Variants in ESRP1 observed in about 807,000 individuals in gnomAD.
ESRP1 encodes the protein RNA-binding motif protein 35A.
Under a neutral mutation model 81.7 loss-of-function variants are expected in ESRP1, and 33 were observed. The ratio of observed to expected loss-of-function variants is 0.40; its 90% CI spans 0.31 to 0.54. The LOEUF (loss-of-function observed/expected upper bound fraction) is 0.54, where lower values mean the gene tolerates loss of function less well. ESRP1 is among the 20% of genes least tolerant of loss of function. ESRP1 has a pLI of 0.41. For missense variants in ESRP1, 672 were observed against 833.1 expected, an observed-to-expected ratio of 0.81 and a Z score of 2.38; for synonymous variants, 320 against 303.3, an observed-to-expected ratio of 1.06 and a Z score of -0.57.
chr8:94,665,086 G>T, intron 8 of ESRP1, 27 bp downstream of exon 8: 3 of 1,613,696 alleles, frequency 1.9e-6, no homozygotes, highest in East Asian at 2.2e-5. Context: ...TGAACCCCTG[G>T]ACATCGTGAA....
At chr8:94,689,531 A>G (rs1809290170) in intron 13 of ESRP1, among the ~76,000 whole-genome samples, 1 of 151,710 alleles carries the variant, frequency 6.6e-6, no homozygotes, top group Middle Eastern at 3.2e-3. Context: ...TTTTTAGTAA[A>G]TTCTTTTTTA....
At chr8:94,678,015 C>T (rs1323426339) in intron 12 of ESRP1, among the ~76,000 whole-genome samples, 188 bp from the exon 13 acceptor site, 2 of 152,158 alleles carry the variant, frequency 1.3e-5, no homozygotes, top group Non-Finnish European at 2.9e-5. Flanking sequence ...TTTAGGTTGA[C>T]AGGGTGGAAT....
intron 12 of ESRP1, among the ~76,000 whole-genome samples, chr8:94,676,731 C>G (rs1808654151): frequency 6.6e-6 from 1 of 151,798 alleles, no homozygotes; most frequent in Non-Finnish European, 1.5e-5. Context: ...ATCTCCTGCC[C>G]TTGTGATCTG....
intron 13 of ESRP1, among the ~76,000 whole-genome samples, chr8:94,684,835 C>T (rs544490839): frequency 5.3e-5 from 8 of 151,928 alleles, no homozygotes; most frequent in Non-Finnish European, 1.0e-4. Context: ...GTAGGAGGAT[C>T]GCTGGAGCCC....
chr8:94,678,128 CTA>C, intron 12 of ESRP1, 73 bp from the exon 13 acceptor site: 3 of 1,457,902 alleles, frequency 2.1e-6, no homozygotes, highest in East Asian at 4.6e-5. Context: ...GGAACAGTGA[CTA>C]TGTTTTTAGT....
At chr8:94,659,095 G>A (rs767204944) in intron 4 of ESRP1, among the ~76,000 whole-genome samples, 3 of 152,038 alleles carry the variant, frequency 2.0e-5, no homozygotes, top group Admixed American at 6.6e-5. Flanking sequence ...ATCTCAGGCT[G>A]GTCTTGAATT....
At chr8:94,660,170 G>A (rs566593767) in intron 4 of ESRP1, among the ~76,000 whole-genome samples, 12 of 152,116 alleles carry the variant, frequency 7.9e-5, no homozygotes, top group Non-Finnish European at 1.8e-4. Flanking sequence ...ATGCCATCCT[G>A]GACTAACATA....
intron 4 of ESRP1, among the ~76,000 whole-genome samples, chr8:94,649,902 A>G (rs180858631): frequency 6.6e-6 from 1 of 152,310 alleles, no homozygotes; most frequent in Non-Finnish European, 1.5e-5. Flanking sequence ...ACACACATAC[A>G]TACACACTCT....
Position 94,664,615 on chromosome 8 carries a change from T to A in ESRP1, c.645-82T>A, listed in dbSNP as rs573739794. On this transcript the variant is annotated intron_variant, in intron 6 of 15. Coordinates refer to ENST00000433389, the MANE Select transcript of ESRP1 (RefSeq NM_017697.4). ...CACCAAATAATACATCCTGTGTAAC[T>A]AGGCAGTTGTCTTGCAGGGGGTAAT... The A allele has an allele frequency of 3.3e-5, 31 of 926,738 alleles. No homozygotes were observed. In the African/African-American group the frequency reaches 5.0e-4, roughly 15 times the overall value. The allele number at this position is 926,738 out of a possible 1,614,324, so 57.4% of individuals were successfully genotyped here. A position where few individuals can be genotyped will look rare whatever the true frequency, so the allele number is the denominator to read the frequency against.
chr8:94,701,896 TG>T (rs1809855020), intron 15 of ESRP1, among the ~76,000 whole-genome samples: 1 of 152,182 alleles, frequency 6.6e-6, no homozygotes, highest in South Asian at 2.1e-4. Flanking sequence ...CTGGGCAATG[TG>T]GTGAGACCTC....
At chr8:94,668,315 G>T in intron 10 of ESRP1, 65 bp downstream of exon 10, 1 of 1,382,208 alleles carries the variant, frequency 7.2e-7, no homozygotes, top group Non-Finnish European at 9.7e-7. Flanking sequence ...TCTGAAAATA[G>T]TCCTACATTG....
intron 15 of ESRP1, among the ~76,000 whole-genome samples, chr8:94,701,283 AAAAAAAG>A (rs1241170380): frequency 6.6e-5 from 10 of 151,100 alleles, no homozygotes; most frequent in African/African-American, 2.5e-4. Context: ...TCAAAAAAAA[AAAAAAAG>A]AATTGAGCGA....
rs543455128 is a variant in ESRP1 at position 94,667,968 on chromosome 8, C to T, written c.951C>T (p.Ala317=). Residue 317 remains alanine, a synonymous_variant, in exon 10 of 16, where the codon GCC becomes GCT. Coordinates refer to ENST00000433389, the MANE Select transcript of ESRP1 (RefSeq NM_017697.4). ...KIAGGTSNEV[A]QFLSKENQVI... ...CCCTAGGTACTTCCAATGAGGTAGCCCAGTTTCTCTCCAAGGAAAATCAAG... is the reference window on the plus strand; with the variant it reads ...CCCTAGGTACTTCCAATGAGGTAGCTCAGTTTCTCTCCAAGGAAAATCAAG... 1 of 1,601,326 alleles carries T rather than the reference C, an allele frequency of 6.2e-7. No homozygotes were observed. The highest frequency in any genetic ancestry group is 8.5e-7 in the Non-Finnish European group (1 of 1,172,410).
chr8:94,676,785 A>G (rs1808659640), intron 12 of ESRP1, among the ~76,000 whole-genome samples: 1 of 151,602 alleles, frequency 6.6e-6, no homozygotes. Flanking sequence ...GGCGTGAGCC[A>G]CCACACCCAG....
chr8:94,692,591 C>A, intron 13 of ESRP1, 86 bp from the exon 14 acceptor site: 1 of 1,435,352 alleles, frequency 7.0e-7, no homozygotes, highest in South Asian at 1.4e-5. Context: ...TTGAGAAATT[C>A]TGTTTCCTTA....
intron 15 of ESRP1, 125 bp from the exon 16 acceptor site, chr8:94,705,800 A>G (rs1209395655): frequency 3.7e-6 from 3 of 816,282 alleles, no homozygotes; most frequent in African/African-American, 1.8e-5. Context: ...AATAACTTGG[A>G]CCATCTTAAG....
intron 13 of ESRP1, among the ~76,000 whole-genome samples, chr8:94,682,921 TA>T (rs1808964411): frequency 1.8e-3 from 60 of 34,168 alleles, no homozygotes; most frequent in African/African-American, 8.6e-3. Context: ...TATATATATA[TA>T]TATATATATA....
At chr8:94,658,576 G>A (rs180774342) in intron 4 of ESRP1, among the ~76,000 whole-genome samples, 1 of 152,332 alleles carries the variant, frequency 6.6e-6, no homozygotes, top group East Asian at 1.9e-4. Context: ...GGTGGTACCT[G>A]AGCACTGTTG....
chr8:94,657,930 C>A (rs10808670), intron 4 of ESRP1, among the ~76,000 whole-genome samples: 106,527 of 151,964 alleles, frequency 0.7, 37,738 homozygotes, highest in East Asian at 0.96. Flanking sequence ...GGTTTGTTTG[C>A]GATGGAGTCT....
Sources: gnomAD v4.1 joint callset for allele counts (sites outside exome capture counted in the v4.1 genomes callset) on GRCh38, gnomAD v4.1.1 for gene constraint, MANE v1.5 for transcripts, NCBI Gene and HGNC (gene_info 2026-07-23, HGNC 2026-07-21) for gene names.